The following FAM185A variants were observed in gnomAD, a reference collection of about 807,000 sequenced individuals.
The protein encoded by FAM185A is protein FAM185A.
A neutral mutation model predicts 45.7 loss-of-function variants in FAM185A; 21 were observed. The observed-to-expected ratio is 0.46, with a 90% CI of 0.33 to 0.66. The LOEUF is 0.66. FAM185A is among the 30% of genes least tolerant of loss of function. The pLI, the probability that FAM185A is intolerant of heterozygous loss-of-function variation, is 0.03. For synonymous variants in FAM185A, 117 were observed against 194.0 expected (o/e 0.60, Z 3.30); for missense variants, 305 against 485.4 (o/e 0.63, Z 3.49).
At chr7:102,809,648 G>A (rs553316069), downstream of FAM185A, among the ~76,000 whole-genome samples, 1 of 150,212 alleles carries the variant, frequency 6.7e-6, no homozygotes, top group South Asian at 2.1e-4. Flanking sequence ...GTTGCAGTAA[G>A]CCGAGATCAC....
chr7:102,836,494 T>G, the FAM185A span, among the ~76,000 whole-genome samples: 13 of 152,242 alleles, frequency 8.5e-5, no homozygotes, highest in Non-Finnish European at 1.8e-4. Flanking sequence ...AGAATCATAC[T>G]TCTATCGATG....
chr7:102,781,520 A>G (rs1795405316), intron 6 of FAM185A, among the ~76,000 whole-genome samples: 1 of 152,248 alleles, frequency 6.6e-6, no homozygotes, highest in African/African-American at 2.4e-5. Context: ...GCTGTTCTGC[A>G]GCCTCTGCTG....
intron 6 of FAM185A, among the ~76,000 whole-genome samples, chr7:102,780,363 A>T (rs927817673): frequency 3.3e-5 from 5 of 152,126 alleles, no homozygotes; most frequent in Non-Finnish European, 5.9e-5. Context: ...AATTCTAAAA[A>T]TGATTCCATA....
chr7:102,844,664 ACT>A, the FAM185A span, among the ~76,000 whole-genome samples: 1 of 152,158 alleles, frequency 6.6e-6, no homozygotes, highest in African/African-American at 2.4e-5. Context: ...TTTTCTATAC[ACT>A]GACCAATTCT....
intron 3 of FAM185A, among the ~76,000 whole-genome samples, chr7:102,758,427 CTTTTTTTTTTTTTTTTT>C (rs869220298): frequency 4.4e-5 from 2 of 45,890 alleles, no homozygotes; most frequent in African/African-American, 1.4e-4. Flanking sequence ...GCTCTCACAG[CTTTTTTTTTTTTTTTTT>C]TTTTTTTTTT....
In FAM185A at chr7:102,749,611, C is replaced by G. The variant is rs1391244875; in HGVS notation, c.404C>G (p.Thr135Ser). ...GAGGAGATGGCCATTGTGTCTGATA[C>G]TATCCACCCCCAGGCGTCCGTGGAG... ...DLEEMAIVSD[T>S]IHPQASVEVN... Residue 135 changes from threonine to serine, a missense_variant, in exon 1 of 8, where the codon ACT becomes AGT. This residue lies in a region of FAM185A where 174 missense variants were observed against 247.1 expected (regional missense o/e 0.70). Coordinates refer to ENST00000413034, the MANE Select transcript of FAM185A (RefSeq NM_001145268.2). 2 of 1,514,526 alleles carry G rather than the reference C, an allele frequency of 1.3e-6. No individual in the cohort carries two copies. The highest frequency in any genetic ancestry group is 1.3e-5 in the South Asian group (1 of 77,832). The allele number at this position is 1,514,526 out of a possible 1,614,324, so 93.8% of individuals were successfully genotyped here.
chr7:102,822,184 T>A, the FAM185A span: 1 of 1,613,974 alleles, frequency 6.2e-7, no homozygotes, highest in African/African-American at 1.3e-5. Flanking sequence ...CGATAACATC[T>A]CCATTGCTGA....
At chr7:102,794,271 C>G (rs1049663388) in intron 7 of FAM185A, among the ~76,000 whole-genome samples, 1 of 151,960 alleles carries the variant, frequency 6.6e-6, no homozygotes, top group South Asian at 2.1e-4. Context: ...TAAACCATAG[C>G]CAAATCCTTA....
the FAM185A span, among the ~76,000 whole-genome samples, chr7:102,834,082 AAAGAAAAGAAAGAAAG>A: frequency 1.7e-4 from 14 of 80,156 alleles, no homozygotes; most frequent in South Asian, 4.2e-4. Context: ...GGAAGGAAGG[AAAGAAAAGAAAGAAAG>A]AAAGAAAGAA....
At chr7:102,762,680 A>C (rs1794180062) in intron 4 of FAM185A, among the ~76,000 whole-genome samples, 1 of 152,204 alleles carries the variant, frequency 6.6e-6, no homozygotes, top group East Asian at 1.9e-4. Context: ...TCTAAAAAAA[A>C]ATTTTAAAAA....
chr7:102,758,156 A>C (rs1793876003), intron 3 of FAM185A, among the ~76,000 whole-genome samples: 1 of 152,082 alleles, frequency 6.6e-6, no homozygotes, highest in Non-Finnish European at 1.5e-5. Flanking sequence ...ACAGTTACTT[A>C]GTTCCTAGTC....
At chr7:102,749,783 C>G in intron 1 of FAM185A, 125 bp downstream of exon 1, 1 of 1,434,074 alleles carries the variant, frequency 7.0e-7, no homozygotes, top group Middle Eastern at 2.6e-4. Flanking sequence ...TTGGCCCCTT[C>G]GGAAATGCAC....
At chr7:102,834,086 A>AAGGAAGGAAAAG in the FAM185A span, among the ~76,000 whole-genome samples, 53 of 93,684 alleles carry the variant, frequency 5.7e-4, no homozygotes, top group African/African-American at 2.1e-3. Context: ...GGAAGGAAAG[A>AAGGAAGGAAAAG]AAAGAAAGAA....
intron 2 of FAM185A, among the ~76,000 whole-genome samples, chr7:102,753,543 C>T (rs950334085): frequency 6.6e-6 from 1 of 152,116 alleles, no homozygotes; most frequent in Non-Finnish European, 1.5e-5. Context: ...ATGCCAGTAG[C>T]ATGCTCCTCA....
chr7:102,804,975 A>G (rs1261869608), intron 7 of FAM185A, among the ~76,000 whole-genome samples: 2 of 152,358 alleles, frequency 1.3e-5, no homozygotes, highest in South Asian at 4.1e-4. Context: ...CAAAACCACA[A>G]TATGGTACCA....
the FAM185A span, among the ~76,000 whole-genome samples, chr7:102,838,879 C>T: frequency 7.2e-5 from 11 of 152,106 alleles, no homozygotes; most frequent in Admixed American, 7.2e-4. Context: ...TGAAATATGG[C>T]CTCGTGGGAT....
chr7:102,843,360 T>C, the FAM185A span, among the ~76,000 whole-genome samples: 1 of 152,036 alleles, frequency 6.6e-6, no homozygotes, highest in Non-Finnish European at 1.5e-5. Context: ...GGAGAATCAC[T>C]TGAACCCAGG....
chr7:102,834,059 AGGAAGGAAGGAAGGAAG>A, the FAM185A span, among the ~76,000 whole-genome samples: 1 of 115,262 alleles, frequency 8.7e-6, no homozygotes, highest in East Asian at 2.6e-4. Flanking sequence ...GAAGGAAGGA[AGGAAGGAAGGAAGGAAG>A]GAAGGAAAGA....
the FAM185A span, among the ~76,000 whole-genome samples, chr7:102,829,060 A>G: frequency 6.6e-6 from 1 of 152,214 alleles, no homozygotes; most frequent in Non-Finnish European, 1.5e-5. Context: ...TAGAAACAGG[A>G]CATCTTTCCG....
Sources: allele counts gnomAD v4.1 joint callset (sites outside exome capture counted in the v4.1 genomes callset), GRCh38; gene constraint gnomAD v4.1.1; regional missense constraint gnomAD v4.1.1; transcripts MANE v1.5; gene names NCBI Gene and HGNC (gene_info 2026-07-23, HGNC 2026-07-21).